Variants in SPTLC2 observed in about 807,000 individuals in gnomAD.
The protein encoded by SPTLC2 is serine palmitoyltransferase 2.
Under a neutral mutation model 62.0 loss-of-function variants are expected in SPTLC2, and 21 were observed. The observed-to-expected ratio is 0.34, with a 90% CI of 0.24 to 0.49. SPTLC2 has a LOEUF of 0.49. Ranked by LOEUF, SPTLC2 falls within the 20% of genes least tolerant of loss-of-function variation. SPTLC2 has a pLI of 0.99. For missense variants in SPTLC2, 511 were observed against 713.0 expected, an observed-to-expected ratio of 0.72 and a Z score of 3.23; for synonymous variants, 261 against 261.8, an observed-to-expected ratio of 1.00 and a Z score of 0.03.
chr14:77,592,267 T>C (rs1013476984), intron 2 of SPTLC2, among the ~76,000 whole-genome samples: 13 of 151,958 alleles, frequency 8.6e-5, no homozygotes, highest in African/African-American at 2.2e-4. Flanking sequence ...CCCAAGTAGC[T>C]GGGATTACAG....
intron 9 of SPTLC2, among the ~76,000 whole-genome samples, chr14:77,539,219 A>C (rs1403513113): frequency 6.6e-6 from 1 of 152,020 alleles, no homozygotes. Flanking sequence ...TTCTATCATC[A>C]AATTGGGAAA....
intron 3 of SPTLC2, among the ~76,000 whole-genome samples, chr14:77,577,622 G>A (rs544457606): frequency 7.6e-4 from 116 of 152,286 alleles, no homozygotes; most frequent in Non-Finnish European, 1.3e-3. Context: ...GCTGTAGGCC[G>A]GGCACGGTGG....
intron 9 of SPTLC2, among the ~76,000 whole-genome samples, chr14:77,529,627 T>C (rs1025775946): frequency 7.5e-6 from 1 of 132,872 alleles, no homozygotes; most frequent in Non-Finnish European, 1.6e-5. Context: ...TTTCTTTTTT[T>C]TTTTTTTTTT....
chr14:77,534,332 A>G (rs1594975215), intron 9 of SPTLC2, among the ~76,000 whole-genome samples: 1 of 152,150 alleles, frequency 6.6e-6, no homozygotes, highest in Non-Finnish European at 1.5e-5. Context: ...CAATTTTTTA[A>G]AAGTGCTCAT....
intron 2 of SPTLC2, among the ~76,000 whole-genome samples, chr14:77,593,226 T>C (rs1382822868): frequency 3.3e-5 from 5 of 152,214 alleles, no homozygotes; most frequent in Non-Finnish European, 7.3e-5. Context: ...ATTTTGTCAG[T>C]GTGTGGTAAC....
chr14:77,540,664 G>A (rs2079496074), intron 9 of SPTLC2, among the ~76,000 whole-genome samples: 1 of 151,998 alleles, frequency 6.6e-6, no homozygotes, highest in Admixed American at 6.6e-5. Flanking sequence ...TAGTAGAGAT[G>A]GGGTTTCGCT....
intron 5 of SPTLC2, among the ~76,000 whole-genome samples, chr14:77,564,400 T>TACAC (rs6145397): frequency 0.014 from 1,916 of 139,294 alleles, 37 homozygotes; most frequent in African/African-American, 0.04. Flanking sequence ...TATGCATGCA[T>TACAC]ACACACACAC....
chr14:77,600,691 T>G (rs553919326), intron 1 of SPTLC2, among the ~76,000 whole-genome samples: 1 of 152,288 alleles, frequency 6.6e-6, no homozygotes, highest in Non-Finnish European at 1.5e-5. Flanking sequence ...GACACTATAT[T>G]AGCATTATTA....
In SPTLC2 at chr14:77,579,022, A is replaced by G. The variant is rs150036058; in HGVS notation, c.415T>C (p.Cys139Arg). 9 of 1,614,006 alleles carry G rather than the reference A, an allele frequency of 5.6e-6. No homozygotes were observed. Among genetic ancestry groups the G allele is most frequent in the African/African-American group, 2.7e-5 (2 of 74,916 alleles). The change falls in exon 3 of 12, where the codon TGT becomes CGT. Residue 139 changes from cysteine to arginine, a missense_variant. Physicochemically the swap from Cys to Arg is radical, Grantham distance 180 (BLOSUM62 -3). Coordinates refer to ENST00000216484, the MANE Select transcript of SPTLC2 (RefSeq NM_004863.4). ...TCCACCCTGGCTCCAGGCACACTACAGATTGGCCGATTCCAGTTGTCTCTT... is the reference window on the plus strand; with the variant it reads ...TCCACCCTGGCTCCAGGCACACTACGGATTGGCCGATTCCAGTTGTCTCTT... ...RIRDNWNRPI[C>R]SVPGARVDIM...
intron 1 of SPTLC2, among the ~76,000 whole-genome samples, chr14:77,606,005 A>G (rs1301363515): frequency 6.6e-6 from 1 of 152,228 alleles, no homozygotes; most frequent in Non-Finnish European, 1.5e-5. Context: ...TTTAGACTCT[A>G]AAGGTCTTTA....
chr14:77,559,794 G>C (rs1283874391), intron 6 of SPTLC2, among the ~76,000 whole-genome samples: 1 of 152,108 alleles, frequency 6.6e-6, no homozygotes, highest in Non-Finnish European at 1.5e-5. Context: ...AGGAGACTGA[G>C]GCAGGAGAAT....
chr14:77,592,541 G>A (rs1230141385), intron 2 of SPTLC2, among the ~76,000 whole-genome samples: 2 of 152,068 alleles, frequency 1.3e-5, no homozygotes, highest in Non-Finnish European at 2.9e-5. Flanking sequence ...AGCCTATTGG[G>A]ATATAAACAT....
chr14:77,515,080 T>C (rs558922266), intron 11 of SPTLC2, among the ~76,000 whole-genome samples: 1 of 152,354 alleles, frequency 6.6e-6, no homozygotes, highest in African/African-American at 2.4e-5. Context: ...CATAGATGCT[T>C]GTGCTTTATT....
intron 7 of SPTLC2, among the ~76,000 whole-genome samples, chr14:77,556,160 T>C (rs1472640848): frequency 1.3e-5 from 2 of 151,836 alleles, no homozygotes; most frequent in African/African-American, 4.8e-5. Flanking sequence ...CCGTCTCTAC[T>C]AAAAATACAA....
intron 9 of SPTLC2, among the ~76,000 whole-genome samples, chr14:77,522,955 C>G (rs2079391833): frequency 6.6e-6 from 1 of 152,122 alleles, no homozygotes; most frequent in Admixed American, 6.5e-5. Flanking sequence ...AAGTTGGCCA[C>G]AAATAAGTCA....
chr14:77,531,444 C>CCTCT (rs2079438299), intron 9 of SPTLC2, among the ~76,000 whole-genome samples: 1 of 130,124 alleles, frequency 7.7e-6, no homozygotes, highest in African/African-American at 3.5e-5. Context: ...TCTTCTTCTT[C>CCTCT]TCCTCCTTCT....
At chr14:77,540,111 G>A (rs528717175) in intron 9 of SPTLC2, among the ~76,000 whole-genome samples, 119 of 150,756 alleles carry the variant, frequency 7.9e-4, no homozygotes, top group Non-Finnish European at 1.3e-3. Flanking sequence ...CAGGAGAATC[G>A]CTCGAACCTG....
rs1355725205 is a variant in SPTLC2, at chr14:77,576,902, T to C, written c.496A>G (p.Ile166Val). The C allele has an allele frequency of 6.2e-7, 1 of 1,614,136 alleles. No individual in the cohort carries two copies. Among genetic ancestry groups the C allele is most frequent in the Non-Finnish European group, 8.5e-7 (1 of 1,180,032 alleles). The change falls in exon 4 of 12, where the codon ATA becomes GTA. Residue 166 changes from isoleucine to valine, a missense_variant. Physicochemically the swap from Ile to Val is conservative, Grantham distance 29. Coordinates refer to ENST00000216484, the MANE Select transcript of SPTLC2 (RefSeq NM_004863.4). Reference protein sequence around the residue: ...YNWSFKYTGNIIKGVINMGSY... With the variant: ...YNWSFKYTGNVIKGVINMGSY... ...CCCATGTTTATAACACCCTTTATTATATTCCCTGTATACCTGTGCATCAAT... is the reference window on the plus strand; with the variant it reads ...CCCATGTTTATAACACCCTTTATTACATTCCCTGTATACCTGTGCATCAAT...
chr14:77,570,137 C>A (rs758631524), intron 5 of SPTLC2, among the ~76,000 whole-genome samples: 2 of 148,536 alleles, frequency 1.3e-5, no homozygotes, highest in Non-Finnish European at 3.0e-5. Flanking sequence ...GCAGGAGAAT[C>A]GCTTGAATCC....
Sources: allele counts gnomAD v4.1 joint callset (sites outside exome capture counted in the v4.1 genomes callset), GRCh38; gene constraint gnomAD v4.1.1; transcripts MANE v1.5; gene names NCBI Gene and HGNC (gene_info 2026-07-23, HGNC 2026-07-21).